CEP128: variants seen among roughly 807,000 people sequenced by gnomAD.
The protein encoded by CEP128 is centrosomal protein 128, also known as centrosomal protein 128kDa.
Under a neutral mutation model 156.7 loss-of-function variants are expected in CEP128, and 132 were observed. The observed-to-expected ratio is 0.84, with a 90% confidence interval of 0.73 to 0.97. The LOEUF (loss-of-function observed/expected upper bound fraction) is 0.97, where lower values mean the gene tolerates loss of function less well. Among genes scored for constraint, CEP128 ranks in the 50% least tolerant of loss-of-function variants. The pLI, the probability that CEP128 is intolerant of heterozygous loss-of-function variation, is 0.00. For missense variants in CEP128, 1,252 were observed against 1,281.9 expected (o/e 0.98, Z 0.36); for synonymous variants, 469 against 448.9 (o/e 1.04, Z -0.57).
chr14:80,768,259 G>T (rs898672697), intron 16 of CEP128, among the ~76,000 whole-genome samples: 2 of 152,142 alleles, frequency 1.3e-5, no homozygotes, highest in Non-Finnish European at 2.9e-5. Flanking sequence ...CGAGGCTATT[G>T]TAACTATCAA....
chr14:80,866,670 G>A (rs1887782183), intron 8 of CEP128, among the ~76,000 whole-genome samples: 1 of 152,218 alleles, frequency 6.6e-6, no homozygotes, highest in Admixed American at 6.5e-5. Flanking sequence ...AAGTCTGGAA[G>A]AAGTGCCTGC....
chr14:80,875,820 A>G (rs1888254610), intron 8 of CEP128, among the ~76,000 whole-genome samples: 1 of 152,202 alleles, frequency 6.6e-6, no homozygotes, highest in Non-Finnish European at 1.5e-5. Context: ...GTAGATGTGC[A>G]ATCTGAAAAA....
chr14:80,727,359 A>G (rs532998956), intron 19 of CEP128, among the ~76,000 whole-genome samples: 1 of 152,146 alleles, frequency 6.6e-6, no homozygotes, highest in South Asian at 2.1e-4. Flanking sequence ...TTAGATATCC[A>G]TGTCACCTCA....
At chr14:80,671,907 G>C (rs1448875265) in intron 19 of CEP128, among the ~76,000 whole-genome samples, 2 of 151,606 alleles carry the variant, frequency 1.3e-5, no homozygotes, top group Admixed American at 6.6e-5. Flanking sequence ...GAGGGGACAG[G>C]TGGGGTAGAA....
chr14:80,517,700 G>T (rs1322386177), intron 23 of CEP128, among the ~76,000 whole-genome samples: 1 of 152,132 alleles, frequency 6.6e-6, no homozygotes, highest in African/African-American at 2.4e-5. Flanking sequence ...CTCTGACCTG[G>T]GGTTCTTGGC....
intron 13 of CEP128, among the ~76,000 whole-genome samples, chr14:80,811,493 T>C (rs1400745812): frequency 2.6e-5 from 4 of 152,224 alleles, no homozygotes; most frequent in Non-Finnish European, 4.4e-5. Context: ...ATTCTTTTTC[T>C]TAAGAGTTTC....
chr14:80,838,417 C>T, intron 10 of CEP128, 139 bp from the exon 11 acceptor site: 1 of 604,012 alleles, frequency 1.7e-6, no homozygotes, highest in South Asian at 2.1e-5. Flanking sequence ...ATAAATATCT[C>T]ACTATGAACA....
At chr14:80,806,704 G>A (rs975458097) in intron 13 of CEP128, among the ~76,000 whole-genome samples, 14 of 152,232 alleles carry the variant, frequency 9.2e-5, no homozygotes, top group Admixed American at 3.3e-4. Flanking sequence ...TATGAAATGC[G>A]ATAGGCCAAA....
At chr14:80,844,664 T>A (rs1409899664) in intron 9 of CEP128, among the ~76,000 whole-genome samples, 1 of 152,160 alleles carries the variant, frequency 6.6e-6, no homozygotes, top group Non-Finnish European at 1.5e-5. Flanking sequence ...GTAACAGTAA[T>A]CCTTAATAAC....
intron 13 of CEP128, among the ~76,000 whole-genome samples, chr14:80,816,912 CTTTAA>C (rs1323490078): frequency 6.7e-6 from 1 of 150,038 alleles, no homozygotes; most frequent in African/African-American, 2.5e-5. Flanking sequence ...AAGAGGTCAA[CTTTAA>C]TTAAGTTAGA....
intron 21 of CEP128, among the ~76,000 whole-genome samples, chr14:80,555,135 A>G (rs1020963443): frequency 2.0e-5 from 3 of 152,076 alleles, no homozygotes; most frequent in Admixed American, 6.6e-5. Flanking sequence ...ACTCTCTCAA[A>G]CTGTTATCTA....
intron 19 of CEP128, among the ~76,000 whole-genome samples, chr14:80,667,140 A>G (rs867666271): frequency 1.3e-5 from 2 of 152,174 alleles, no homozygotes; most frequent in South Asian, 4.1e-4. Context: ...TGGAGACCCA[A>G]AATGCTCATT....
chr14:80,524,923 T>A (rs893272344), intron 23 of CEP128, among the ~76,000 whole-genome samples: 2 of 152,206 alleles, frequency 1.3e-5, no homozygotes, highest in Admixed American at 6.5e-5. Flanking sequence ...TAGGCCTGAT[T>A]CCCTCTTCAG....
chr14:80,846,543 T>G (rs1329790367), intron 9 of CEP128, among the ~76,000 whole-genome samples: 1 of 152,084 alleles, frequency 6.6e-6, no homozygotes, highest in Non-Finnish European at 1.5e-5. Flanking sequence ...CCGGAAGGCA[T>G]CCTGAAAAAC....
At chr14:80,746,399 C>T (rs1362497027) in intron 18 of CEP128, among the ~76,000 whole-genome samples, 3 of 152,124 alleles carry the variant, frequency 2.0e-5, no homozygotes, top group East Asian at 3.9e-4. Context: ...ATATACAGAC[C>T]GATGGAACAG....
intron 8 of CEP128, among the ~76,000 whole-genome samples, chr14:80,872,909 T>A (rs1888098333): frequency 6.6e-6 from 1 of 152,232 alleles, no homozygotes; most frequent in Admixed American, 6.5e-5. Flanking sequence ...ATGTTATTAT[T>A]AAGTTTCACT....
chr14:80,619,923 A>C (rs1893407324), intron 19 of CEP128, among the ~76,000 whole-genome samples: 1 of 151,680 alleles, frequency 6.6e-6, no homozygotes, highest in South Asian at 2.1e-4. Context: ...TCAGGAGTTC[A>C]AGACCAGCCT....
At chr14:80,808,652 G>A (rs1013990781) in intron 13 of CEP128, among the ~76,000 whole-genome samples, 9 of 152,096 alleles carry the variant, frequency 5.9e-5, no homozygotes, top group South Asian at 2.1e-4. Flanking sequence ...TATGAAGACC[G>A]AAAGACTTAC....
intron 3 of CEP128, among the ~76,000 whole-genome samples, chr14:80,916,083 C>T (rs929471178): frequency 6.6e-6 from 1 of 152,176 alleles, no homozygotes; most frequent in African/African-American, 2.4e-5. Flanking sequence ...TGACCCTTCC[C>T]TGCTGGCTTT....
Sources: gnomAD v4.1 joint callset for allele counts (sites outside exome capture counted in the v4.1 genomes callset) on GRCh38, gnomAD v4.1.1 for gene constraint, MANE v1.5 for transcripts, NCBI Gene and HGNC (gene_info 2026-07-23, HGNC 2026-07-21) for gene names.